TSEN2: variants seen among roughly 807,000 people sequenced by gnomAD.
TSEN2 encodes the protein tRNA-splicing endonuclease subunit Sen2.
In TSEN2, 54 loss-of-function variants were observed where a neutral mutation model predicts 59.2. The observed-to-expected ratio is 0.91, with a 90% CI of 0.73 to 1.14. The LOEUF (loss-of-function observed/expected upper bound fraction) is 1.14. TSEN2 is among the 50% of genes most tolerant of loss of function. TSEN2 has a pLI of 0.00. For missense variants in TSEN2, 636 were observed against 576.2 expected, an observed-to-expected ratio of 1.10 and a Z score of -1.06; for synonymous variants, 195 against 198.2, an observed-to-expected ratio of 0.98 and a Z score of 0.14.
intron 11 of TSEN2, among the ~76,000 whole-genome samples, 164 bp from the exon 12 acceptor site, chr3:12,532,498 A>G (rs917885330): frequency 6.6e-6 from 1 of 152,142 alleles, no homozygotes; most frequent in Non-Finnish European, 1.5e-5. Flanking sequence ...TAAGGTTTAT[A>G]TTGTTACATT....
At chr3:12,502,597 A>G (rs1254974099) in intron 4 of TSEN2, among the ~76,000 whole-genome samples, 3 of 151,340 alleles carry the variant, frequency 2.0e-5, no homozygotes, top group Non-Finnish European at 2.9e-5. Context: ...TTTCTTGTTT[A>G]TTTACCTAAA....
chr3:12,518,357 ATGT>A (rs924760717), intron 7 of TSEN2, among the ~76,000 whole-genome samples: 16 of 152,176 alleles, frequency 1.1e-4, no homozygotes, highest in African/African-American at 3.9e-4. Context: ...GGTCTGTGAA[ATGT>A]TGTCACGAAC....
At chr3:12,490,091 A>G (rs2053059611) in intron 2 of TSEN2, 102 bp downstream of exon 2, 5 of 1,112,768 alleles carry the variant, frequency 4.5e-6, no homozygotes, top group African/African-American at 1.5e-5. Context: ...AACCATGAAC[A>G]ATGTGTATTC....
chr3:12,517,143 C>G (rs895796063), intron 7 of TSEN2, among the ~76,000 whole-genome samples: 1 of 151,968 alleles, frequency 6.6e-6, no homozygotes, highest in Admixed American at 6.6e-5. Context: ...GTCAGGAGAT[C>G]GAGACCATCC....
At position 12,490,005 on chromosome 3, in the gene TSEN2, C is replaced by T. The variant is rs2053045691; in HGVS notation, c.189+16C>T. 3 of 1,613,400 alleles carry T rather than the reference C, an allele frequency of 1.9e-6. No individual in the cohort carries two copies. Among genetic ancestry groups the T allele is most frequent in the African/African-American group, 1.3e-5 (1 of 74,912 alleles). ...CTATGGGAAAGTAAGTGCAGGCAGC[C>T]TTGGTAAGATTACTTTCAGACAACC... On this transcript the variant is annotated intron_variant, in intron 2 of 11. Coordinates refer to ENST00000284995, the MANE Select transcript of TSEN2 (RefSeq NM_025265.4).
At chr3:12,530,034 A>G in intron 10 of TSEN2, 161 bp downstream of exon 10, 1 of 1,450,902 alleles carries the variant, frequency 6.9e-7, no homozygotes, top group Non-Finnish European at 9.0e-7. Context: ...CCCTTCCCTT[A>G]TTGCGCTAGA....
chr3:12,481,326 T>C (rs146225581), upstream of TSEN2, among the ~76,000 whole-genome samples: 1 of 152,266 alleles, frequency 6.6e-6, no homozygotes, highest in East Asian at 1.9e-4. Context: ...AATCAATACT[T>C]CACTGTCACA....
downstream of TSEN2, among the ~76,000 whole-genome samples, chr3:12,537,570 A>G (rs959764333): frequency 3.3e-5 from 5 of 152,190 alleles, no homozygotes; most frequent in East Asian, 9.6e-4. Flanking sequence ...TTCTCTAATG[A>G]TGGCAAAGTA....
chr3:12,528,969 A>C (rs1434697207), intron 9 of TSEN2, 45 bp downstream of exon 9: 3 of 1,608,308 alleles, frequency 1.9e-6, no homozygotes, highest in Non-Finnish European at 2.6e-6. Context: ...AAGGGACACA[A>C]GGAATTTCTG....
chr3:12,486,272 A>G (rs1575196392), intron 1 of TSEN2, among the ~76,000 whole-genome samples: 1 of 152,304 alleles, frequency 6.6e-6, no homozygotes, highest in Admixed American at 6.5e-5. Context: ...CCGCGACACT[A>G]AAGAACCTTC....
Position 12,500,686 on chromosome 3 carries a change from T to C in TSEN2, c.309-2576T>C, listed in dbSNP as rs537333878. Among the ~76,000 whole-genome samples, 7 of 152,360 alleles carry C rather than the reference T, an allele frequency of 4.6e-5. No homozygotes were observed. The South Asian group carries it at 1.4e-3, about 32-fold the overall frequency. On this transcript the variant is annotated intron_variant, in intron 4 of 11. Coordinates refer to ENST00000284995, the MANE Select transcript of TSEN2 (RefSeq NM_025265.4). Reference sequence around the variant, plus strand: ...AGTAGTATTGATTGAACACTTCTTATGGGCTATGCACTTTACGTGTCTTAT... The same window carrying C: ...AGTAGTATTGATTGAACACTTCTTACGGGCTATGCACTTTACGTGTCTTAT...
upstream of TSEN2, among the ~76,000 whole-genome samples, chr3:12,480,685 T>C (rs762830890): frequency 2.2e-4 from 33 of 151,998 alleles, no homozygotes; most frequent in African/African-American, 3.6e-4. Flanking sequence ...CGCATCACCA[T>C]GCCCAGCTAA....
Position 12,528,933 on chromosome 3 carries a change from T to C in TSEN2, c.1136+9T>C, listed in dbSNP as rs769586953. 2 of 1,613,840 alleles carry C rather than the reference T, an allele frequency of 1.2e-6. No homozygotes were observed. Among genetic ancestry groups the C allele is most frequent in the African/African-American group, 1.3e-5 (1 of 74,896 alleles). The stretch of plus-strand genomic sequence containing the variant: ...CCATTTTACCATGCAAGGTTCGGAG[T>C]GATTTTTAAATAAACTAATGGGTTA... On this transcript the variant is annotated intron_variant, in intron 9 of 11. Transcript: ENST00000284995.
chr3:12,495,750 G>A (rs1014545814), intron 3 of TSEN2, among the ~76,000 whole-genome samples: 3 of 152,216 alleles, frequency 2.0e-5, no homozygotes. Context: ...TTTAATGCAT[G>A]CAGACGAGGC....
intron 6 of TSEN2, among the ~76,000 whole-genome samples, chr3:12,514,481 G>T (rs551042168): frequency 5.9e-5 from 9 of 152,210 alleles, no homozygotes; most frequent in African/African-American, 1.9e-4. Flanking sequence ...CTCAGAACAG[G>T]GAGGGTGTCA....
intron 6 of TSEN2, among the ~76,000 whole-genome samples, chr3:12,516,270 C>G (rs1012952519): frequency 6.6e-6 from 1 of 151,948 alleles, no homozygotes; most frequent in Non-Finnish European, 1.5e-5. Flanking sequence ...GAAAAAAATA[C>G]AAAAAATTAG....
At chr3:12,511,866 T>G (rs936268763) in intron 6 of TSEN2, among the ~76,000 whole-genome samples, 8 of 152,164 alleles carry the variant, frequency 5.3e-5, no homozygotes, top group Non-Finnish European at 1.2e-4. Context: ...CCTGCCTAGG[T>G]TTTATATATT....
At chr3:12,507,233 T>G (rs1433917364) in intron 6 of TSEN2, among the ~76,000 whole-genome samples, 2 of 152,126 alleles carry the variant, frequency 1.3e-5, no homozygotes, top group Non-Finnish European at 2.9e-5. Flanking sequence ...AAAATTCCTT[T>G]TCTCGGTTGC....
intron 8 of TSEN2, among the ~76,000 whole-genome samples, chr3:12,524,996 G>C (rs1164818278): frequency 1.3e-5 from 2 of 151,956 alleles, no homozygotes; most frequent in African/African-American, 4.8e-5. Flanking sequence ...CACCCATCTT[G>C]ACCTCCCGAA....
Sources: allele counts gnomAD v4.1 joint callset (sites outside exome capture counted in the v4.1 genomes callset), GRCh38; gene constraint gnomAD v4.1.1; transcripts MANE v1.5; gene names NCBI Gene and HGNC (gene_info 2026-07-23, HGNC 2026-07-21).